Variants in ATF7 observed in about 807,000 individuals in gnomAD.
ATF7 encodes cyclic AMP-dependent transcription factor ATF-7.
Under a neutral mutation model 50.4 loss-of-function variants are expected in ATF7, and 10 were observed. That is an observed-to-expected ratio of 0.20 (90% confidence interval 0.12 to 0.34). The LOEUF (loss-of-function observed/expected upper bound fraction) is 0.34, where lower values mean the gene tolerates loss of function less well. Ranked by LOEUF, ATF7 falls within the 10% of genes least tolerant of loss-of-function variation. The pLI is 1.00. For missense variants in ATF7, 465 were observed against 613.9 expected (o/e 0.76, Z 2.56); for synonymous variants, 201 against 226.4 (o/e 0.89, Z 1.01).
chr12:53,594,139 G>A (rs1462270078), intron 2 of ATF7, among the ~76,000 whole-genome samples: 1 of 152,176 alleles, frequency 6.6e-6, no homozygotes. Flanking sequence ...ATAAATGAAA[G>A]ACAGGCTCTA....
At chr12:53,528,798 G>GA (rs1458419804) in intron 9 of ATF7, among the ~76,000 whole-genome samples, 1 of 151,918 alleles carries the variant, frequency 6.6e-6, no homozygotes, top group Non-Finnish European at 1.5e-5. Flanking sequence ...CAAAAGAAAA[G>GA]AAAAAATTAG....
intron 2 of ATF7, among the ~76,000 whole-genome samples, chr12:53,580,812 A>C (rs2137696496): frequency 6.6e-6 from 1 of 152,146 alleles, no homozygotes; most frequent in South Asian, 2.1e-4. Context: ...CCAAGATGAC[A>C]TACAAATTCT....
At chr12:53,510,347 ACTT>A (rs764394109), downstream of ATF7, among the ~76,000 whole-genome samples, 40 of 152,248 alleles carry the variant, frequency 2.6e-4, 1 homozygote, top group Admixed American at 1.8e-3. Flanking sequence ...CCAGTTTACC[ACTT>A]CTTAAAAGGG....
intron 1 of ATF7, among the ~76,000 whole-genome samples, chr12:53,617,869 C>G (rs1944206315): frequency 2.7e-5 from 4 of 146,186 alleles, no homozygotes; most frequent in Admixed American, 6.9e-5. Context: ...AACAGGCAGT[C>G]AGTCCATTAT....
Position 53,524,585 on chromosome 12 carries a change from A to G in ATF7, c.1104T>C (p.Thr368=). ...SSLEKKAEEL[T]SQNIQLSNEV... ...TCACACTCAGCTGAATGTTCTGAGA[A>G]GTGAGTTCTTCGGCCTTCTTCTCTA... is the stretch of plus-strand genomic sequence containing the variant. The change falls in exon 10 of 12, where the codon ACT becomes ACC. Residue 368 remains threonine, a synonymous_variant. Transcript: ENST00000420353. The surrounding 1 kb of genome is among the most constrained non-coding windows in gnomAD (Gnocchi z 4.6). The G allele has an allele frequency of 6.2e-7, 1 of 1,613,962 alleles. No individual in the cohort carries two copies. Among genetic ancestry groups the G allele is most frequent in the African/African-American group, 1.3e-5 (1 of 75,078 alleles).
chr12:53,551,441 C>T (rs1035350600), intron 3 of ATF7, among the ~76,000 whole-genome samples: 2 of 152,226 alleles, frequency 1.3e-5, no homozygotes, highest in African/African-American at 4.8e-5. Flanking sequence ...GGATTACAGG[C>T]ATGAGCCACC....
chr12:53,572,602 G>A (rs539849173), intron 2 of ATF7, among the ~76,000 whole-genome samples: 1 of 152,182 alleles, frequency 6.6e-6, no homozygotes, highest in East Asian at 1.9e-4. Context: ...CCTTACCCGT[G>A]GTTTCACTTT....
chr12:53,537,222 C>T (rs1395537891), intron 5 of ATF7, among the ~76,000 whole-genome samples, 193 bp downstream of exon 5: 4 of 151,972 alleles, frequency 2.6e-5, no homozygotes, highest in East Asian at 1.9e-4. Flanking sequence ...GCATGCTCCA[C>T]CACGCCCAGG....
intron 4 of ATF7, among the ~76,000 whole-genome samples, chr12:53,538,224 G>C (rs1288529163): frequency 6.6e-6 from 1 of 152,124 alleles, no homozygotes. Flanking sequence ...AATAATTCCT[G>C]AATCTGCTGG....
rs149938912 is a variant in ATF7, at chr12:53,618,810, G to T, written c.-22+7469C>A. On this transcript the variant is annotated intron_variant, in intron 1 of 11. Transcript: ENST00000420353. ...TTCTTGCCTGTAATCCCAGCACTTT[G>T]GGACGCTGAGGTAGGTGGATTGCCT... Among the ~76,000 whole-genome samples the T allele has an allele frequency of 2.0e-3, 298 of 152,218 alleles. 1 individual carries two copies. The highest frequency in any genetic ancestry group is 7.1e-3 in the African/African-American group (293 of 41,536).
chr12:53,622,772 A>G (rs1294576455), intron 1 of ATF7, among the ~76,000 whole-genome samples: 3 of 152,140 alleles, frequency 2.0e-5, no homozygotes, highest in Non-Finnish European at 2.9e-5. Context: ...TAGGAATTCC[A>G]GAAGAGCCTG....
intron 4 of ATF7, among the ~76,000 whole-genome samples, chr12:53,539,900 C>T (rs1358576816): frequency 1.3e-5 from 2 of 151,766 alleles, no homozygotes; most frequent in African/African-American, 2.4e-5. Flanking sequence ...AAAACCCCAT[C>T]TCTAAAAATA....
At chr12:53,564,242 G>A (rs1245292030) in intron 2 of ATF7, among the ~76,000 whole-genome samples, 1 of 152,200 alleles carries the variant, frequency 6.6e-6, no homozygotes, top group African/African-American at 2.4e-5. Flanking sequence ...GGACATGGTG[G>A]TGCATGCCTG....
intron 3 of ATF7, among the ~76,000 whole-genome samples, chr12:53,548,065 T>C (rs959350103): frequency 5.9e-5 from 9 of 151,844 alleles, no homozygotes; most frequent in Admixed American, 6.6e-5. Flanking sequence ...GGGGCCTTCA[T>C]TGTGTTGCCC....
chr12:53,616,945 CAAA>C (rs548267926), intron 1 of ATF7, among the ~76,000 whole-genome samples: 2 of 80,142 alleles, frequency 2.5e-5, no homozygotes, highest in Admixed American at 1.2e-4. Flanking sequence ...ACTCTGTCTC[CAAA>C]AAAAAAAAAA....
rs200881393 is a variant in ATF7, at chr12:53,603,384, GA to G, written c.-21-2364del. ...GATGAAAAATCATGACTTTCTGAAA[GA>G]AAAAAAAACAAAAACAAAAAAATTT... On this transcript the variant is annotated intron_variant, in intron 1 of 11. Transcript: ENST00000420353. Among the ~76,000 whole-genome samples, 6 of 147,194 alleles carry G rather than the reference GA, an allele frequency of 4.1e-5. No individual in the cohort carries two copies. In the South Asian group the frequency reaches 6.4e-4, roughly 16 times the overall value.
At chr12:53,596,442 T>C (rs1389463591) in intron 2 of ATF7, among the ~76,000 whole-genome samples, 1 of 152,174 alleles carries the variant, frequency 6.6e-6, no homozygotes, top group Non-Finnish European at 1.5e-5. Context: ...TTTAAGGAAA[T>C]TGACATTCTG....
intron 2 of ATF7, among the ~76,000 whole-genome samples, chr12:53,554,870 G>GAACAAAAAAAAAAAA (rs1940617186): frequency 1.3e-5 from 1 of 76,046 alleles, no homozygotes; most frequent in African/African-American, 4.9e-5. Flanking sequence ...CTCAAAAAAA[G>GAACAAAAAAAAAAAA]AAAAAAAAAA....
intron 1 of ATF7, among the ~76,000 whole-genome samples, chr12:53,619,814 A>G (rs78684994): frequency 1.4e-5 from 2 of 146,916 alleles, no homozygotes; most frequent in Non-Finnish European, 1.5e-5. Flanking sequence ...CCTGCCTCAG[A>G]AAAAAAAAAA....
Sources: allele counts gnomAD v4.1 joint callset (sites outside exome capture counted in the v4.1 genomes callset), GRCh38; gene constraint gnomAD v4.1.1; non-coding constraint Gnocchi (gnomAD v3.1); transcripts MANE v1.5; gene names NCBI Gene and HGNC (gene_info 2026-07-23, HGNC 2026-07-21).